KIAA0319L: variants seen among roughly 807,000 people sequenced by gnomAD.
KIAA0319L encodes the protein KIAA0319 like, also known as dyslexia-associated protein KIAA0319-like protein.
Under a neutral mutation model 120.1 loss-of-function variants are expected in KIAA0319L, and 55 were observed. That is an observed-to-expected ratio of 0.46 (90% confidence interval 0.37 to 0.57). The LOEUF is 0.57. Among genes scored for constraint, KIAA0319L ranks in the 20% least tolerant of loss-of-function variants. The pLI, the probability that KIAA0319L is intolerant of heterozygous loss-of-function variation, is 0.00. For synonymous variants in KIAA0319L, 398 were observed against 471.9 expected (o/e 0.84, Z 2.03); for missense variants, 1,049 against 1,255.3 (o/e 0.84, Z 2.48).
chr1:35,484,806 A>ATTTTTT (rs1198710657), intron 3 of KIAA0319L, among the ~76,000 whole-genome samples: 9 of 86,258 alleles, frequency 1.0e-4, no homozygotes, highest in African/African-American at 5.4e-4. Flanking sequence ...ATATATATAT[A>ATTTTTT]TTTTTTTTTT....
At chr1:35,459,544 C>T (rs1642738209) in intron 9 of KIAA0319L, among the ~76,000 whole-genome samples, 2 of 151,712 alleles carry the variant, frequency 1.3e-5, no homozygotes, top group South Asian at 2.1e-4. Flanking sequence ...TTGCAGTGAG[C>T]CGAAATCACG....
rs1248858769 is a variant in KIAA0319L, at chr1:35,484,798, ATATATATATT to A, written c.667-5596_667-5587del. ...TATATATATATATATATATATATATATATATATATTTTTTTTTTTATTATACTCTAAGTTT... is the reference window on the plus strand; with the variant it reads ...TATATATATATATATATATATATATATTTTTTTTTATTATACTCTAAGTTT... On this transcript the variant is annotated intron_variant, in intron 3 of 20. Transcript: ENST00000325722. Among the ~76,000 whole-genome samples the A allele has an allele frequency of 1.9e-3, 49 of 25,300 alleles. 1 individual carries two copies. The highest frequency in any genetic ancestry group is 9.0e-3 in the African/African-American group (38 of 4,210). The allele number at this position is 25,300 out of a possible 152,430, so 16.6% of individuals were successfully genotyped here.
chr1:35,437,076 A>G lies in KIAA0319L; in HGVS notation c.2963-1995T>C, dbSNP rs1640850476. On this transcript the variant is annotated intron_variant, in intron 20 of 20. Coordinates refer to ENST00000325722, the MANE Select transcript of KIAA0319L (RefSeq NM_024874.5). The surrounding 1 kb of genome is among the most constrained non-coding windows in gnomAD (Gnocchi z 4.1). ...GGGCTCTCCCAGCTCCCTTCGGTAG[A>G]CACTGCCCACAAGAGACCAGCCCTG... Among the ~76,000 whole-genome samples, 1 of 152,126 alleles carries G rather than the reference A, an allele frequency of 6.6e-6. No homozygotes were observed. The highest frequency in any genetic ancestry group is 2.1e-4 in the South Asian group (1 of 4,830).
intron 15 of KIAA0319L, 50 bp downstream of exon 15, chr1:35,449,817 G>C (rs774239325): frequency 1.2e-6 from 2 of 1,605,176 alleles, no homozygotes; most frequent in Non-Finnish European, 1.7e-6. Flanking sequence ...TAGAGGCCTT[G>C]ATTGGCTGAT....
intron 7 of KIAA0319L, 148 bp downstream of exon 7, chr1:35,466,460 A>C (rs975326237): frequency 8.1e-6 from 5 of 615,168 alleles, no homozygotes; most frequent in Non-Finnish European, 1.4e-5. Flanking sequence ...GTATTTTGCT[A>C]TTGTAACTAT....
chr1:35,473,641 G>A (rs1643774570), intron 5 of KIAA0319L, among the ~76,000 whole-genome samples: 1 of 152,178 alleles, frequency 6.6e-6, no homozygotes, highest in South Asian at 2.1e-4. Flanking sequence ...TTCTCTAGAG[G>A]AATGTGAAAT....
At chr1:35,525,145 T>C (rs1217155878) in intron 2 of KIAA0319L, among the ~76,000 whole-genome samples, 2 of 152,208 alleles carry the variant, frequency 1.3e-5, no homozygotes, top group Non-Finnish European at 2.9e-5. Flanking sequence ...TAATGACCTC[T>C]AGTTCTATCC....
At chr1:35,457,163 G>A (rs1642530256) in intron 9 of KIAA0319L, among the ~76,000 whole-genome samples, 1 of 152,100 alleles carries the variant, frequency 6.6e-6, no homozygotes, top group African/African-American at 2.4e-5. Context: ...GAGGCTTAGA[G>A]AGGCTAAGTA....
intron 3 of KIAA0319L, among the ~76,000 whole-genome samples, chr1:35,484,802 ATATATTTT>A (rs1262093337): frequency 4.3e-4 from 6 of 14,108 alleles, no homozygotes; most frequent in Admixed American, 9.3e-4. Flanking sequence ...ATATATATAT[ATATATTTT>A]TTTTTTTATT....
intron 4 of KIAA0319L, 107 bp from the exon 5 acceptor site, chr1:35,475,013 C>T (rs1244599132): frequency 3.1e-6 from 2 of 642,196 alleles, no homozygotes; most frequent in Non-Finnish European, 5.3e-6. Context: ...TCAGCTACTG[C>T]CATCAATTAC....
chr1:35,506,777 T>G lies in KIAA0319L; in HGVS notation c.501A>C (p.Arg167Ser), dbSNP rs990981721. The change falls in exon 3 of 21, where the codon AGA (arginine) becomes AGC (serine). Residue 167 changes from arginine to serine, a missense_variant. Transcript: ENST00000325722. This position sits in a 1 kb window ranked among gnomAD's most constrained non-coding sequence, Gnocchi z 4.0. ...AAGATACAGCAGGTCTGAGTGCAGC[T>G]CTGGGTGGGCTCTGCCTCCAAGATG... ...NWASWRQSPP[R>S]AALRPAVSSS... 6.2e-7 allele frequency: 1 copy of G among 1,614,202 alleles called. No homozygotes were observed. Among genetic ancestry groups the G allele is most frequent in the Admixed American group, 1.7e-5 (1 of 60,030 alleles).
At chr1:35,455,901 C>T (rs566860615) in intron 10 of KIAA0319L, 112 bp downstream of exon 10, 17 of 816,326 alleles carry the variant, frequency 2.1e-5, no homozygotes, top group East Asian at 7.5e-5. Flanking sequence ...TTTGCTACCA[C>T]GTTAATCAAA....
intron 3 of KIAA0319L, among the ~76,000 whole-genome samples, chr1:35,495,458 T>C (rs1398171655): frequency 2.0e-5 from 3 of 152,064 alleles, no homozygotes; most frequent in Admixed American, 2.0e-4. Flanking sequence ...CAATCCATAA[T>C]AGAAATATTA....
intron 5 of KIAA0319L, among the ~76,000 whole-genome samples, chr1:35,472,301 A>T (rs1165787393): frequency 2.6e-5 from 4 of 152,122 alleles, no homozygotes; most frequent in Non-Finnish European, 5.9e-5. Context: ...CTATTGACTG[A>T]CTGACTGATT....
intron 2 of KIAA0319L, among the ~76,000 whole-genome samples, chr1:35,519,854 T>C (rs1645839115): frequency 2.0e-5 from 3 of 152,210 alleles, no homozygotes; most frequent in Admixed American, 2.0e-4. Context: ...CTATAGTCCA[T>C]TGCTTCAACC....
chr1:35,448,117 A>G, intron 16 of KIAA0319L, 56 bp downstream of exon 16: 1 of 1,498,952 alleles, frequency 6.7e-7, no homozygotes, highest in Non-Finnish European at 9.0e-7. Flanking sequence ...AGCTCATTCA[A>G]GAAGCCCGGG....
rs1462163190 is a variant in KIAA0319L, at chr1:35,479,003, G to C, written c.876C>G (p.Pro292=). The change falls in exon 4 of 21, where the codon CCC becomes CCG. Residue 292 remains proline (P), a synonymous_variant. Coordinates refer to ENST00000325722, the MANE Select transcript of KIAA0319L (RefSeq NM_024874.5). ...CTGAGGTGCTCTGGAAAGAGGCCTG[G>C]GGGGTAGGGGTAGCATAACTGTAGG... is the stretch of plus-strand genomic sequence containing the variant. The part of the protein sequence containing the change: ...APSYSYATPT[P]QASFQSTSAP... 6.2e-7 allele frequency: 1 copy of C among 1,614,094 alleles called. No individual in the cohort carries two copies. Among genetic ancestry groups the C allele is most frequent in the Non-Finnish European group, 8.5e-7 (1 of 1,179,988 alleles).
At chr1:35,529,856 A>G (rs1646293094) in intron 2 of KIAA0319L, among the ~76,000 whole-genome samples, 1 of 152,144 alleles carries the variant, frequency 6.6e-6, no homozygotes, top group Non-Finnish European at 1.5e-5. Context: ...CTCTTCTTAA[A>G]TTTGGGAAGT....
chr1:35,543,546 T>C (rs996306441), intron 2 of KIAA0319L, among the ~76,000 whole-genome samples: 5 of 152,120 alleles, frequency 3.3e-5, no homozygotes, highest in African/African-American at 1.2e-4. Flanking sequence ...CCAATGCATA[T>C]TCAAAATATA....
Sources: allele counts gnomAD v4.1 joint callset (sites outside exome capture counted in the v4.1 genomes callset), GRCh38; gene constraint gnomAD v4.1.1; non-coding constraint Gnocchi (gnomAD v3.1); transcripts MANE v1.5; gene names NCBI Gene and HGNC (gene_info 2026-07-23, HGNC 2026-07-21).